ZNF516: variants seen among roughly 807,000 people sequenced by gnomAD.
ZNF516 encodes the protein zinc finger protein 516.
ZNF516 carries 19 observed loss-of-function variants against 79.7 expected under a neutral mutation model. That is an observed-to-expected ratio of 0.24 (90% confidence interval 0.17 to 0.35). The LOEUF (loss-of-function observed/expected upper bound fraction) is 0.35, where lower values mean the gene tolerates loss of function less well. Among genes scored for constraint, ZNF516 ranks in the 10% least tolerant of loss-of-function variants. The pLI is 1.00. For missense variants in ZNF516, 1,678 were observed against 1,679.5 expected, an observed-to-expected ratio of 1.00 and a Z score of 0.02; for synonymous variants, 877 against 739.5, an observed-to-expected ratio of 1.19 and a Z score of -3.02.
rs183548996 is a variant in ZNF516 at position 76,417,708 on chromosome 18, C to T, written c.1810+23537G>A. 7.2e-5 allele frequency among the ~76,000 whole-genome samples: 11 copies of T among 152,294 alleles called. No individual in the cohort carries two copies. In the East Asian group the frequency reaches 1.9e-3, roughly 27 times the overall value. Reference sequence around the variant, plus strand: ...TTTCAATTAGAGAAAATACCACACTCAACATTTTCTTACTATTCCTACAAA... The same window carrying T: ...TTTCAATTAGAGAAAATACCACACTTAACATTTTCTTACTATTCCTACAAA... On this transcript the variant is annotated intron_variant, in intron 3 of 6. Coordinates refer to ENST00000443185, the MANE Select transcript of ZNF516 (RefSeq NM_014643.4).
chr18:76,456,971 C>T (rs1158269540), intron 2 of ZNF516, among the ~76,000 whole-genome samples: 1 of 152,164 alleles, frequency 6.6e-6, no homozygotes, highest in African/African-American at 2.4e-5. Context: ...ACAGGTACCA[C>T]CTGTTTTATC....
At chr18:76,488,625 T>G (rs1289960675) in intron 1 of ZNF516, among the ~76,000 whole-genome samples, 1 of 152,154 alleles carries the variant, frequency 6.6e-6, no homozygotes, top group Non-Finnish European at 1.5e-5. Flanking sequence ...GTATAAACAT[T>G]AACAGCATGA....
At position 76,380,327 on chromosome 18, in the gene ZNF516, G is replaced by A. The variant is rs375546859; in HGVS notation, c.1811-24C>T. 1.6e-5 allele frequency: 25 copies of A among 1,604,690 alleles called. No individual in the cohort carries two copies. The African/African-American group carries it at 1.7e-4, about 11-fold the overall frequency. ...CCCTAGAGGAGGCAAAATATGAAAC[G>A]GGAAGTTACCATTTCTCATCAGAAC... On this transcript the variant is annotated intron_variant, in intron 3 of 6. Coordinates refer to ENST00000443185, the MANE Select transcript of ZNF516 (RefSeq NM_014643.4).
chr18:76,443,017 C>T lies in ZNF516; in HGVS notation c.38G>A (p.Arg13Gln), dbSNP rs1390542204. 1.9e-6 allele frequency: 3 copies of T among 1,598,182 alleles called. No homozygotes were observed. Among genetic ancestry groups the T allele is most frequent in the Non-Finnish European group, 1.7e-6 (2 of 1,177,612 alleles). Residue 13 changes from arginine (R) to glutamine (Q), a missense_variant, in exon 3 of 7, where the codon CGA becomes CAA. Arg to Gln is a conservative substitution (Grantham distance 43). Transcript: ENST00000443185. ...GCCGGCCCTGGTGGGGCTGGGGCCTCGCCTCAGCTCCATCTCGGCCTCTCT... is the reference window on the plus strand; with the variant it reads ...GCCGGCCCTGGTGGGGCTGGGGCCTTGCCTCAGCTCCATCTCGGCCTCTCT... Reference protein sequence around the residue: ...RNREAEMELRRGPSPTRAGRG... With the variant: ...RNREAEMELRQGPSPTRAGRG...
chr18:76,375,989 G>A (rs949984396), intron 4 of ZNF516, among the ~76,000 whole-genome samples: 1 of 150,616 alleles, frequency 6.6e-6, no homozygotes, highest in Non-Finnish European at 1.5e-5. Context: ...GGAAGGTCCC[G>A]GAGACCAGGC....
rs765944654 is a variant in ZNF516 at position 76,441,259 on chromosome 18, G to A, written c.1796C>T (p.Pro599Leu). ...CACTTGCTCACCTGGTGCAGGTTCA[G>A]GGGCGCCCTCCTCACCACTGTCTTC... ...AAEDSGEEGA[P>L]EPAPGGQPRR... The change falls in exon 3 of 7, where the codon CCT becomes CTT. Residue 599 changes from proline to leucine, a missense_variant. This residue lies in a region of ZNF516 where 1,294 missense variants were observed against 1,248.3 expected (regional missense o/e 1.04). Transcript: ENST00000443185. 2 of 1,609,984 alleles carry A rather than the reference G, an allele frequency of 1.2e-6. No homozygotes were observed. The highest frequency in any genetic ancestry group is 2.7e-5 in the African/African-American group (2 of 74,872).
At chr18:76,458,679 G>C (rs1435561386) in intron 2 of ZNF516, among the ~76,000 whole-genome samples, 1 of 150,262 alleles carries the variant, frequency 6.7e-6, no homozygotes, top group Non-Finnish European at 1.5e-5. Context: ...CGTCGTGTGT[G>C]CGTGCCTCAC....
At chr18:76,487,371 G>C (rs776554555) in intron 1 of ZNF516, among the ~76,000 whole-genome samples, 1 of 152,198 alleles carries the variant, frequency 6.6e-6, no homozygotes, top group Non-Finnish European at 1.5e-5. Context: ...GTACACTGTA[G>C]TGGATGCTAG....
Position 76,470,050 on chromosome 18 carries a change from C to T in ZNF516, c.-271-6909G>A, listed in dbSNP as rs1913735451. Among the ~76,000 whole-genome samples the T allele has an allele frequency of 2.0e-5, 3 of 152,108 alleles. No homozygotes were observed. In the South Asian group the frequency reaches 6.2e-4, roughly 32 times the overall value. ...TATGTTCATCTTTAAATGGTATTATCCCAAATAAGGATGTCAGAGGTCATC... is the reference window on the plus strand; with the variant it reads ...TATGTTCATCTTTAAATGGTATTATTCCAAATAAGGATGTCAGAGGTCATC... On this transcript the variant is annotated intron_variant, in intron 1 of 6. Coordinates refer to ENST00000443185, the MANE Select transcript of ZNF516 (RefSeq NM_014643.4).
chr18:76,385,978 C>T (rs1192076688), intron 3 of ZNF516: 4 of 152,366 alleles, frequency 2.6e-5, no homozygotes, highest in African/African-American at 9.6e-5. Flanking sequence ...TCCTGAAACG[C>T]ATCCCCATGC....
chr18:76,373,153 TGAAA>T (rs1215557868), intron 4 of ZNF516, among the ~76,000 whole-genome samples: 1 of 143,870 alleles, frequency 7.0e-6, no homozygotes, highest in Non-Finnish European at 1.5e-5. Context: ...CTGTCTTGAA[TGAAA>T]GAAAGAAAAG....
chr18:76,408,654 C>T (rs565727433), intron 3 of ZNF516, among the ~76,000 whole-genome samples: 9 of 152,282 alleles, frequency 5.9e-5, no homozygotes, highest in Non-Finnish European at 7.4e-5. Context: ...TGACCGCTAA[C>T]GACAGAAAGA....
intron 4 of ZNF516, among the ~76,000 whole-genome samples, chr18:76,373,771 T>C (rs766349649): frequency 1.4e-4 from 21 of 152,224 alleles, no homozygotes; most frequent in Non-Finnish European, 2.8e-4. Context: ...ACATATGAGT[T>C]TCCCACACAT....
chr18:76,401,021 CTT>C (rs954880829), intron 3 of ZNF516, among the ~76,000 whole-genome samples: 7 of 152,158 alleles, frequency 4.6e-5, no homozygotes, highest in African/African-American at 9.7e-5. Context: ...TCGTTTTCCT[CTT>C]CTCTCCTATT....
At chr18:76,368,043 T>G (rs1242257255) in intron 6 of ZNF516, among the ~76,000 whole-genome samples, 2 of 152,194 alleles carry the variant, frequency 1.3e-5, no homozygotes, top group African/African-American at 2.4e-5. Flanking sequence ...TTAATGAATG[T>G]TAGCAAAGCA....
intron 1 of ZNF516, chr18:76,492,783 C>T (rs1397659645): frequency 5.1e-6 from 5 of 985,604 alleles, no homozygotes; most frequent in African/African-American, 1.7e-5. Flanking sequence ...GAAAGTGCTT[C>T]TAAACCCCAT....
chr18:76,387,040 C>A (rs975223488), intron 3 of ZNF516: 3 of 152,252 alleles, frequency 2.0e-5, no homozygotes, highest in African/African-American at 7.2e-5. Context: ...CAGAACCCAT[C>A]GCTGGAGTCC....
At chr18:76,370,228 A>G (rs1425795716) in intron 6 of ZNF516, among the ~76,000 whole-genome samples, 1 of 152,224 alleles carries the variant, frequency 6.6e-6, no homozygotes, top group Non-Finnish European at 1.5e-5. Context: ...CCATCTTGGA[A>G]AAACTGAGTT....
At chr18:76,381,166 C>T (rs2074886757) in intron 3 of ZNF516, among the ~76,000 whole-genome samples, 1 of 152,198 alleles carries the variant, frequency 6.6e-6, no homozygotes, top group Non-Finnish European at 1.5e-5. Context: ...GGGAGAAACA[C>T]AGCCGAGGTG....
Sources: allele counts gnomAD v4.1 joint callset (sites outside exome capture counted in the v4.1 genomes callset), GRCh38; gene constraint gnomAD v4.1.1; regional missense constraint gnomAD v4.1.1; transcripts MANE v1.5; gene names NCBI Gene and HGNC (gene_info 2026-07-23, HGNC 2026-07-21).